The following ULK4 variants were observed in gnomAD, a reference collection of about 807,000 sequenced individuals.
ULK4 encodes inactive serine/threonine-protein kinase ULK4.
Under a neutral mutation model 160.6 loss-of-function variants are expected in ULK4, and 133 were observed. The observed-to-expected ratio is 0.83, with a 90% confidence interval of 0.72 to 0.96. ULK4 has a LOEUF of 0.96. Ranked by LOEUF, ULK4 falls within the 40% of genes least tolerant of loss-of-function variation. ULK4 has a pLI of 0.00. For missense variants in ULK4, 1,580 were observed against 1,499.5 expected (o/e 1.05, Z -0.89); for synonymous variants, 534 against 539.8 (o/e 0.99, Z 0.15).
At chr3:41,716,366 T>C (rs912701624) in intron 23 of ULK4, among the ~76,000 whole-genome samples, 2 of 151,922 alleles carry the variant, frequency 1.3e-5, no homozygotes, top group African/African-American at 4.8e-5. Flanking sequence ...AATCTAACAA[T>C]AAATAAAACT....
At chr3:41,449,089 T>C (rs1219896715) in intron 34 of ULK4, among the ~76,000 whole-genome samples, 1 of 152,094 alleles carries the variant, frequency 6.6e-6, no homozygotes, top group Admixed American at 6.5e-5. Flanking sequence ...GGTTAATTTT[T>C]GTATTTTTAG....
intron 32 of ULK4, among the ~76,000 whole-genome samples, chr3:41,475,958 T>G: frequency 4.6e-5 from 6 of 129,116 alleles, no homozygotes; most frequent in Admixed American, 8.3e-5. Flanking sequence ...GAGGAAAGGA[T>G]GGAGGGAAAG....
chr3:41,657,753 T>C (rs900089919), intron 30 of ULK4, among the ~76,000 whole-genome samples: 10 of 145,598 alleles, frequency 6.9e-5, no homozygotes, highest in African/African-American at 2.7e-4. Context: ...GAAGTGAAGG[T>C]TACAGTGAGC....
At chr3:41,714,842 ACT>A (rs2037210633) in intron 25 of ULK4, among the ~76,000 whole-genome samples, 1 of 142,834 alleles carries the variant, frequency 7.0e-6, no homozygotes, top group Non-Finnish European at 1.5e-5. Context: ...ACAGAGCGAG[ACT>A]CTGTCTTTAA....
intron 35 of ULK4, among the ~76,000 whole-genome samples, chr3:41,383,287 C>A (rs1033526298): frequency 2.6e-5 from 4 of 152,032 alleles, no homozygotes; most frequent in Non-Finnish European, 5.9e-5. Flanking sequence ...TAAGTGGAGA[C>A]AGGTTTTCAC....
intron 17 of ULK4, among the ~76,000 whole-genome samples, chr3:41,858,147 GTTTTTTTT>G (rs71288052): frequency 2.2e-5 from 2 of 92,134 alleles, no homozygotes; most frequent in African/African-American, 3.8e-5. Flanking sequence ...TTTTTTGTTT[GTTTTTTTT>G]TTTTTTTTTT....
At chr3:41,350,424 A>AT (rs2080886702) in intron 35 of ULK4, among the ~76,000 whole-genome samples, 1 of 152,230 alleles carries the variant, frequency 6.6e-6, no homozygotes, top group Admixed American at 6.5e-5. Context: ...AAAGAATTAT[A>AT]TATCTTTTGC....
At chr3:41,352,904 T>A (rs1006278420) in intron 35 of ULK4, among the ~76,000 whole-genome samples, 3 of 152,160 alleles carry the variant, frequency 2.0e-5, no homozygotes, top group African/African-American at 7.2e-5. Flanking sequence ...GCACATGCAT[T>A]TTTTAATCTT....
chr3:41,280,016 C>T (rs762037351), intron 35 of ULK4, among the ~76,000 whole-genome samples: 1 of 152,124 alleles, frequency 6.6e-6, no homozygotes, highest in Non-Finnish European at 1.5e-5. Context: ...ATCCTAGTCT[C>T]TGATAAAACA....
At chr3:41,264,316 C>T (rs2078993469) in intron 35 of ULK4, among the ~76,000 whole-genome samples, 2 of 152,196 alleles carry the variant, frequency 1.3e-5, no homozygotes, top group Non-Finnish European at 2.9e-5. Context: ...ACTCACATGC[C>T]AGCGCCAGAT....
chr3:41,758,618 G>A (rs2038881805), intron 21 of ULK4, among the ~76,000 whole-genome samples: 1 of 152,162 alleles, frequency 6.6e-6, no homozygotes, highest in Non-Finnish European at 1.5e-5. Flanking sequence ...GGGCACAGTG[G>A]CTCATGCCTG....
intron 1 of ULK4, among the ~76,000 whole-genome samples, chr3:41,956,522 C>A (rs988081348): frequency 1.3e-5 from 2 of 152,122 alleles, no homozygotes; most frequent in Admixed American, 6.5e-5. Context: ...GCGGTCAAGA[C>A]CCTCTACTGG....
chr3:41,706,900 T>TATATAGAG lies in ULK4; in HGVS notation c.2635-1596_2635-1595insCTCTATAT, dbSNP rs369390361. On this transcript the variant is annotated intron_variant, in intron 25 of 36. Coordinates refer to ENST00000301831, the MANE Select transcript of ULK4 (RefSeq NM_017886.4). The stretch of plus-strand genomic sequence containing the variant: ...GTGTGTGTGTGTGTGTATATATATA[T>TATATAGAG]AGAGAGAGAGAGAGAATAGAATCTA... 1.3e-3 allele frequency among the ~76,000 whole-genome samples: 184 copies of TATATAGAG among 136,408 alleles called. 3 individuals carry two copies. Among genetic ancestry groups the TATATAGAG allele is most frequent in the African/African-American group, 5.0e-3 (169 of 34,118 alleles). 89.5% of individuals were successfully genotyped at this position (136,408 alleles called of 152,430 possible). A position where few individuals can be genotyped will look rare whatever the true frequency, so the allele number is the denominator to read the frequency against.
intron 34 of ULK4, among the ~76,000 whole-genome samples, chr3:41,406,089 T>C (rs7648362): frequency 0.21 from 32,422 of 152,186 alleles, 3,838 homozygotes; most frequent in African/African-American, 0.31. Context: ...TCTAGGATTC[T>C]TACAGTTTGA....
At chr3:41,522,471 C>T (rs1017860514) in intron 32 of ULK4, among the ~76,000 whole-genome samples, 1 of 152,024 alleles carries the variant, frequency 6.6e-6, no homozygotes, top group African/African-American at 2.4e-5. Context: ...ATTAAAAAAA[C>T]ACCTTTTCTG....
intron 16 of ULK4, among the ~76,000 whole-genome samples, chr3:41,884,548 GC>G (rs1408134910): frequency 6.6e-6 from 1 of 152,182 alleles, no homozygotes; most frequent in African/African-American, 2.4e-5. Flanking sequence ...GGTATTTCAT[GC>G]AGAGAAATTA....
chr3:41,843,557 T>C (rs991943573), intron 17 of ULK4, among the ~76,000 whole-genome samples: 1 of 152,028 alleles, frequency 6.6e-6, no homozygotes, highest in East Asian at 1.9e-4. Context: ...GTTACAGCTC[T>C]TAAGGCAGTG....
At chr3:41,513,145 A>G (rs1202282872) in intron 32 of ULK4, among the ~76,000 whole-genome samples, 1 of 152,198 alleles carries the variant, frequency 6.6e-6, no homozygotes, top group Non-Finnish European at 1.5e-5. Flanking sequence ...ATAAAAATGA[A>G]CTGAAGATGG....
At chr3:41,390,937 C>A (rs891265097) in intron 35 of ULK4, among the ~76,000 whole-genome samples, 3 of 151,896 alleles carry the variant, frequency 2.0e-5, no homozygotes, top group Non-Finnish European at 4.4e-5. Flanking sequence ...CTCTCCCTAT[C>A]CTTCCTCCCA....
Sources: allele counts gnomAD v4.1 joint callset (sites outside exome capture counted in the v4.1 genomes callset), GRCh38; gene constraint gnomAD v4.1.1; transcripts MANE v1.5; gene names NCBI Gene and HGNC (gene_info 2026-07-23, HGNC 2026-07-21).